TMEM132D: variants seen among roughly 807,000 people sequenced by gnomAD.
TMEM132D encodes the protein mature OL transmembrane protein.
A neutral mutation model predicts 62.3 loss-of-function variants in TMEM132D; 21 were observed. That is an observed-to-expected ratio of 0.34 (90% CI 0.24 to 0.49). The LOEUF (loss-of-function observed/expected upper bound fraction) is 0.49. Ranked by LOEUF, TMEM132D falls within the 20% of genes least tolerant of loss-of-function variation. The pLI is 0.99. For synonymous variants in TMEM132D, 621 were observed against 575.6 expected (o/e 1.08, Z -1.13); for missense variants, 1,346 against 1,402.8 (o/e 0.96, Z 0.65).
At chr12:129,108,593 C>A (rs1180110989) in intron 5 of TMEM132D, among the ~76,000 whole-genome samples, 1 of 152,052 alleles carries the variant, frequency 6.6e-6, no homozygotes, top group African/African-American at 2.4e-5. Flanking sequence ...ATGTAATGAG[C>A]CACTTGGTTC....
intron 5 of TMEM132D, among the ~76,000 whole-genome samples, chr12:129,205,966 A>C (rs1387810751): frequency 6.6e-6 from 1 of 152,242 alleles, no homozygotes; most frequent in East Asian, 1.9e-4. Flanking sequence ...GATGGATTAA[A>C]TACTTAAATG....
intron 3 of TMEM132D, among the ~76,000 whole-genome samples, chr12:129,474,472 T>C (rs375221765): frequency 9.8e-5 from 15 of 152,342 alleles, no homozygotes; most frequent in African/African-American, 3.1e-4. Flanking sequence ...GTAGGATCAC[T>C]GGTGCTCAAA....
intron 2 of TMEM132D, among the ~76,000 whole-genome samples, chr12:129,531,469 T>C (rs1876224241): frequency 6.6e-6 from 1 of 152,182 alleles, no homozygotes; most frequent in Non-Finnish European, 1.5e-5. Context: ...AGAATATCCT[T>C]GCACTAGCTT....
intron 3 of TMEM132D, among the ~76,000 whole-genome samples, chr12:129,450,285 G>C (rs111858412): frequency 0.037 from 5,597 of 152,230 alleles, 273 homozygotes; most frequent in African/African-American, 0.12. Context: ...TGCTGTGCCT[G>C]TGTCCTGAAT....
In TMEM132D at chr12:129,899,143, G is replaced by A. The variant is rs575307413; in HGVS notation, c.79+4118C>T. ...TGGATGGAATGATGAATGGATGGAT[G>A]AAATGATAGATGGATAGATGGAAGG... On this transcript the variant is annotated intron_variant, in intron 1 of 8. Transcript: ENST00000422113. Among the ~76,000 whole-genome samples, 132 of 133,150 alleles carry A rather than the reference G, an allele frequency of 9.9e-4. 16 individuals are homozygous for A. The highest frequency in any genetic ancestry group is 4.3e-3 in the African/African-American group (129 of 29,712). 87.4% of individuals were successfully genotyped at this position (133,150 alleles called of 152,430 possible). A position where few individuals can be genotyped will look rare whatever the true frequency, so the allele number is the denominator to read the frequency against.
At chr12:129,829,012 CA>C (rs1236877654) in intron 1 of TMEM132D, among the ~76,000 whole-genome samples, 32 of 151,956 alleles carry the variant, frequency 2.1e-4, no homozygotes, top group African/African-American at 7.7e-4. Context: ...TGTGAATCTC[CA>C]ACACCACTGT....
intron 1 of TMEM132D, among the ~76,000 whole-genome samples, chr12:129,875,499 A>G (rs867619448): frequency 3.9e-5 from 6 of 152,194 alleles, no homozygotes; most frequent in South Asian, 2.1e-4. Context: ...ATTCTCACCA[A>G]GTCATGGAAC....
intron 1 of TMEM132D, among the ~76,000 whole-genome samples, chr12:129,896,572 T>A (rs1237883409): frequency 6.6e-6 from 1 of 152,198 alleles, no homozygotes; most frequent in Non-Finnish European, 1.5e-5. Flanking sequence ...GACAGACATC[T>A]TCTTAGTGAA....
intron 2 of TMEM132D, among the ~76,000 whole-genome samples, chr12:129,541,081 C>T (rs1566103977): frequency 6.6e-6 from 1 of 152,212 alleles, no homozygotes; most frequent in Non-Finnish European, 1.5e-5. Flanking sequence ...ACATTTCTTA[C>T]ACTGATAAGT....
At position 129,786,268 on chromosome 12, in the gene TMEM132D, C is replaced by T. The variant is rs143564946; in HGVS notation, c.80-85570G>A. On this transcript the variant is annotated intron_variant, in intron 1 of 8. Transcript: ENST00000422113. ...CCCACATCCGACCTGCCTAGACCTG[C>T]AGAAGCTCTGGTTCCTCTGTCTAAA... is the stretch of plus-strand genomic sequence containing the variant. 2.3e-3 allele frequency among the ~76,000 whole-genome samples: 347 copies of T among 152,296 alleles called. 4 individuals are homozygous for T. The highest frequency in any genetic ancestry group is 0.01 in the Middle Eastern group (3 of 294).
intron 1 of TMEM132D, among the ~76,000 whole-genome samples, chr12:129,846,830 A>G (rs1035261344): frequency 6.6e-6 from 1 of 152,140 alleles, no homozygotes; most frequent in African/African-American, 2.4e-5. Flanking sequence ...ATTTCCTGCT[A>G]ATCTTGTCAT....
chr12:129,719,417 A>C (rs80015678), intron 1 of TMEM132D, among the ~76,000 whole-genome samples: 1 of 152,238 alleles, frequency 6.6e-6, no homozygotes, highest in Non-Finnish European at 1.5e-5. Flanking sequence ...TAAATACAAC[A>C]GAACTAGAGG....
chr12:129,524,608 TCC>T (rs1380113820), intron 3 of TMEM132D, among the ~76,000 whole-genome samples: 4 of 152,168 alleles, frequency 2.6e-5, no homozygotes, highest in Non-Finnish European at 4.4e-5. Flanking sequence ...TATCCATCTC[TCC>T]AGATTGATGG....
At chr12:129,368,730 A>G (rs1157430477) in intron 3 of TMEM132D, among the ~76,000 whole-genome samples, 1 of 151,650 alleles carries the variant, frequency 6.6e-6, no homozygotes, top group African/African-American at 2.4e-5. Flanking sequence ...CTCCTTACCA[A>G]CAGAGACCAA....
intron 4 of TMEM132D, among the ~76,000 whole-genome samples, chr12:129,255,700 C>T (rs1301344790): frequency 6.6e-6 from 1 of 152,196 alleles, no homozygotes; most frequent in East Asian, 1.9e-4. Context: ...CCCATCCCAT[C>T]TCTGTTCTAC....
At chr12:129,577,148 C>A (rs1000833433) in intron 2 of TMEM132D, among the ~76,000 whole-genome samples, 1 of 151,772 alleles carries the variant, frequency 6.6e-6, no homozygotes, top group African/African-American at 2.4e-5. Flanking sequence ...ACTTGAGAAC[C>A]ACTAGAGATC....
rs370062754 is a variant in TMEM132D, at chr12:129,210,771, C to T, written c.1300-1108G>A. Among the ~76,000 whole-genome samples, 7 of 152,314 alleles carry T rather than the reference C, an allele frequency of 4.6e-5. No homozygotes were observed. In the South Asian group the frequency reaches 1.5e-3, roughly 32 times the overall value. On this transcript the variant is annotated intron_variant, in intron 4 of 8. Transcript: ENST00000422113. ...TGTCAAGTGCATAAATAGGACTCAA[C>T]AGGGAAAGGACTGGGATTTACATCC...
At chr12:129,542,648 A>G (rs1242026889) in intron 2 of TMEM132D, among the ~76,000 whole-genome samples, 1 of 152,172 alleles carries the variant, frequency 6.6e-6, no homozygotes, top group Non-Finnish European at 1.5e-5. Context: ...ATGTACACCA[A>G]TGACAACACG....
intron 4 of TMEM132D, among the ~76,000 whole-genome samples, chr12:129,221,425 T>G (rs1033462117): frequency 4.6e-5 from 7 of 152,178 alleles, no homozygotes; most frequent in Admixed American, 1.3e-4. Context: ...ACACAACACT[T>G]TCCAAATTCA....
Sources: gnomAD v4.1 joint callset for allele counts (sites outside exome capture counted in the v4.1 genomes callset) on GRCh38, gnomAD v4.1.1 for gene constraint, MANE v1.5 for transcripts, NCBI Gene and HGNC (gene_info 2026-07-23, HGNC 2026-07-21) for gene names.